Variants in STAU2 observed in about 807,000 individuals in gnomAD.
STAU2 encodes staufen double-stranded RNA binding protein 2.
A neutral mutation model predicts 65.9 loss-of-function variants in STAU2; 20 were observed. That is an observed-to-expected ratio of 0.30 (90% CI 0.21 to 0.44). STAU2 has a LOEUF of 0.44. STAU2 is among the 20% of genes least tolerant of loss of function. The pLI is 1.00. For missense variants in STAU2, 558 were observed against 683.9 expected (o/e 0.82, Z 2.05); for synonymous variants, 232 against 233.9 (o/e 0.99, Z 0.07).
chr8:73,615,941 T>C (rs1041183808), intron 7 of STAU2, 159 bp from the exon 8 acceptor site: 2 of 521,066 alleles, frequency 3.8e-6, no homozygotes, highest in Admixed American at 7.3e-5. Flanking sequence ...GTCAAGGGCT[T>C]TGCTGCCAGG....
intron 13 of STAU2, chr8:73,441,032 T>C (rs1273826061): frequency 2.0e-5 from 3 of 152,332 alleles, no homozygotes; most frequent in Non-Finnish European, 4.4e-5. Flanking sequence ...CCAGTTCACA[T>C]GGCTCACTCG....
intron 13 of STAU2, among the ~76,000 whole-genome samples, chr8:73,430,354 C>T (rs986731722): frequency 6.6e-6 from 1 of 152,156 alleles, no homozygotes; most frequent in Non-Finnish European, 1.5e-5. Flanking sequence ...CAGGGCCTGC[C>T]GACCAGGTAC....
intron 4 of STAU2, among the ~76,000 whole-genome samples, chr8:73,698,770 A>C (rs1223486329): frequency 6.6e-6 from 1 of 152,114 alleles, no homozygotes; most frequent in Non-Finnish European, 1.5e-5. Context: ...TCAACAAAGA[A>C]ACATCAGAGT....
chr8:73,613,688 A>G (rs1039439087), intron 9 of STAU2, 56 bp downstream of exon 9: 1 of 1,356,102 alleles, frequency 7.4e-7, no homozygotes, highest in Non-Finnish European at 1.0e-6. Flanking sequence ...GCTTATCTAT[A>G]GCTACTATAA....
Position 73,596,254 on chromosome 8 carries a change from T to C in STAU2, c.1030-957A>G, listed in dbSNP as rs79923223. On this transcript the variant is annotated intron_variant, in intron 10 of 14. Coordinates refer to ENST00000524300, the MANE Select transcript of STAU2 (RefSeq NM_001164380.2). ...TCAGTAAAGCCGGGGTAATACCAACTACTGCACAATGTTGCTTTGAAAATT... is the reference window on the plus strand; with the variant it reads ...TCAGTAAAGCCGGGGTAATACCAACCACTGCACAATGTTGCTTTGAAAATT... Among the ~76,000 whole-genome samples the C allele has an allele frequency of 1.2e-3, 189 of 152,300 alleles. 4 individuals are homozygous for C. The East Asian group carries it at 0.035, about 29-fold the overall frequency.
intron 4 of STAU2, among the ~76,000 whole-genome samples, chr8:73,691,672 C>T (rs1819330252): frequency 6.6e-6 from 1 of 152,088 alleles, no homozygotes; most frequent in African/African-American, 2.4e-5. Flanking sequence ...TATCTCTCCC[C>T]TAAACTACCA....
chr8:73,487,926 T>C (rs528761778), intron 13 of STAU2, among the ~76,000 whole-genome samples: 4 of 152,112 alleles, frequency 2.6e-5, no homozygotes, highest in Non-Finnish European at 4.4e-5. Flanking sequence ...GAAGAATCCG[T>C]GATTCTGAAA....
intron 13 of STAU2, among the ~76,000 whole-genome samples, chr8:73,516,335 A>AT (rs759919296): frequency 0.021 from 3,030 of 147,012 alleles, 30 homozygotes; most frequent in Middle Eastern, 0.031. Context: ...AACAGAAGAC[A>AT]TTTTTTTTTT....
At chr8:73,671,676 T>G (rs537840698) in intron 6 of STAU2, among the ~76,000 whole-genome samples, 2 of 152,242 alleles carry the variant, frequency 1.3e-5, no homozygotes, top group Non-Finnish European at 2.9e-5. Flanking sequence ...GATAAAAAAA[T>G]AGACATACAT....
At chr8:73,582,875 T>C in intron 11 of STAU2, 45 bp from the exon 12 acceptor site, 1 of 1,564,310 alleles carries the variant, frequency 6.4e-7, no homozygotes, top group Non-Finnish European at 8.7e-7. Flanking sequence ...AACAAGCTTA[T>C]TCAAAAAGAA....
chr8:73,495,120 T>C (rs1313902701), intron 13 of STAU2, among the ~76,000 whole-genome samples: 1 of 151,632 alleles, frequency 6.6e-6, no homozygotes, highest in Non-Finnish European at 1.5e-5. Flanking sequence ...ATGATTTTTT[T>C]CCATTTTCAA....
intron 12 of STAU2, among the ~76,000 whole-genome samples, chr8:73,560,931 A>G (rs1213144995): frequency 6.6e-6 from 1 of 152,202 alleles, no homozygotes; most frequent in East Asian, 1.9e-4. Flanking sequence ...AAAACAGGCA[A>G]ATGGAAAGTA....
intron 13 of STAU2, among the ~76,000 whole-genome samples, chr8:73,429,322 A>G (rs982091363): frequency 1.3e-5 from 2 of 148,994 alleles, no homozygotes; most frequent in Non-Finnish European, 3.0e-5. Context: ...AAGGAAACAG[A>G]GGCTCAGAGA....
At chr8:73,542,138 T>G (rs1806585359) in intron 13 of STAU2, among the ~76,000 whole-genome samples, 1 of 152,140 alleles carries the variant, frequency 6.6e-6, no homozygotes, top group Non-Finnish European at 1.5e-5. Flanking sequence ...CACTCCTACA[T>G]GTACCATAAT....
At chr8:73,662,240 T>C (rs1383178195) in intron 6 of STAU2, among the ~76,000 whole-genome samples, 1 of 152,216 alleles carries the variant, frequency 6.6e-6, no homozygotes, top group South Asian at 2.1e-4. Context: ...TATTAATGAG[T>C]TGTAGGTATT....
chr8:73,544,953 A>C (rs1225307479), intron 13 of STAU2, among the ~76,000 whole-genome samples: 1 of 152,172 alleles, frequency 6.6e-6, no homozygotes, highest in East Asian at 1.9e-4. Context: ...TCCAAAGTTT[A>C]GCATGTTTAG....
intron 13 of STAU2, among the ~76,000 whole-genome samples, chr8:73,545,630 G>A (rs1806855443): frequency 7.0e-6 from 1 of 143,530 alleles, no homozygotes; most frequent in African/African-American, 2.6e-5. Flanking sequence ...AAAGGAGTCA[G>A]AATTCTTTTT....
At chr8:73,581,937 T>C (rs17312739) in intron 12 of STAU2, among the ~76,000 whole-genome samples, 23,214 of 152,138 alleles carry the variant, frequency 0.15, 1,807 homozygotes, top group African/African-American at 0.17. Context: ...GCTTTTTCAG[T>C]GCCCAGAGGT....
chr8:73,581,119 C>T (rs1418300317), intron 12 of STAU2, among the ~76,000 whole-genome samples: 1 of 152,046 alleles, frequency 6.6e-6, no homozygotes, highest in Non-Finnish European at 1.5e-5. Flanking sequence ...CACTTGTCAT[C>T]CCATGAGATG....
Sources: allele counts gnomAD v4.1 joint callset (sites outside exome capture counted in the v4.1 genomes callset), GRCh38; gene constraint gnomAD v4.1.1; transcripts MANE v1.5; gene names NCBI Gene and HGNC (gene_info 2026-07-23, HGNC 2026-07-21).